The following C14orf132 variants were observed in gnomAD, a reference collection of about 807,000 sequenced individuals.
C14orf132 encodes the protein uncharacterized protein C14orf132.
C14orf132 carries 6 observed loss-of-function variants against 5.8 expected under a neutral mutation model. The ratio of observed to expected loss-of-function variants is 1.03; its 90% CI spans 0.57 to 2.04. C14orf132 has a LOEUF of 2.04. C14orf132 is among the 30% of genes most tolerant of loss of function. The probability of loss-of-function intolerance (pLI) is 0.00; values close to 1 mark genes in which losing one functional copy is unlikely to be tolerated. For synonymous variants in C14orf132, 51 were observed against 49.8 expected, an observed-to-expected ratio of 1.02 and a Z score of -0.10; for missense variants, 125 against 115.8, an observed-to-expected ratio of 1.08 and a Z score of -0.37.
rs541742670 is a variant in C14orf132 at position 96,049,562 on chromosome 14, G to GTA, written c.27+10042_27+10043dup. On this transcript the variant is annotated intron_variant, in intron 1 of 1. Coordinates refer to ENST00000555004, the MANE Select transcript of C14orf132 (RefSeq NM_001252507.3). The stretch of plus-strand genomic sequence containing the variant: ...CATACGTATATATATACATATATAC[G>GTA]TATATATACATATATACGTATATAT... Among the ~76,000 whole-genome samples the GTA allele has an allele frequency of 4.2e-4, 40 of 94,502 alleles. 1 individual carries two copies. The highest frequency in any genetic ancestry group is 1.3e-3 in the South Asian group (4 of 3,138). 62.0% of individuals were successfully genotyped at this position (94,502 alleles called of 152,430 possible).
At chr14:96,052,827 A>G (rs1378496896) in intron 1 of C14orf132, among the ~76,000 whole-genome samples, 1 of 152,086 alleles carries the variant, frequency 6.6e-6, no homozygotes, top group Non-Finnish European at 1.5e-5. Context: ...CTTCCTCTGA[A>G]CGATTCCATG....
At chr14:96,049,598 ACG>A (rs1491391080) in intron 1 of C14orf132, among the ~76,000 whole-genome samples, 1 of 128,720 alleles carries the variant, frequency 7.8e-6, no homozygotes, top group Admixed American at 8.1e-5. Flanking sequence ...ATACATATAT[ACG>A]TATATATATA....
chr14:96,055,364 T>C (rs1043568246), intron 1 of C14orf132, among the ~76,000 whole-genome samples: 1 of 152,196 alleles, frequency 6.6e-6, no homozygotes, highest in East Asian at 1.9e-4. Context: ...AGGAAACAGA[T>C]GTGCCCTCTG....
chr14:96,074,694 A>G (rs1267356550), intron 1 of C14orf132, among the ~76,000 whole-genome samples: 2 of 152,114 alleles, frequency 1.3e-5, no homozygotes, highest in African/African-American at 4.8e-5. Flanking sequence ...TCCTTTTTCC[A>G]TTGAATTGCC....
At chr14:96,064,495 A>G (rs1306416405) in intron 1 of C14orf132, among the ~76,000 whole-genome samples, 1 of 151,786 alleles carries the variant, frequency 6.6e-6, no homozygotes, top group African/African-American at 2.4e-5. Context: ...CTAGGCAGCC[A>G]TAAAAAGGAA....
chr14:96,080,818 C>T (rs980639288), intron 1 of C14orf132, among the ~76,000 whole-genome samples: 4 of 152,130 alleles, frequency 2.6e-5, no homozygotes, highest in Non-Finnish European at 5.9e-5. Context: ...TGCCCCGACA[C>T]TGCGGGGCAG....
At chr14:96,080,794 C>T (rs1010997196) in intron 1 of C14orf132, among the ~76,000 whole-genome samples, 1 of 152,126 alleles carries the variant, frequency 6.6e-6, no homozygotes, top group Admixed American at 6.5e-5. Context: ...ACTCAGCCAC[C>T]CCATGCTACA....
At chr14:96,070,594 TCTCACACA>T (rs886077159) in intron 1 of C14orf132, among the ~76,000 whole-genome samples, 3 of 121,020 alleles carry the variant, frequency 2.5e-5, no homozygotes, top group African/African-American at 5.9e-5. Context: ...TCTCTCTCTC[TCTCACACA>T]CACACACACA....
Position 96,058,157 on chromosome 14 carries a change from T to G in C14orf132, c.27+18630T>G, listed in dbSNP as rs1038926144. On this transcript the variant is annotated intron_variant, in intron 1 of 1. Coordinates refer to ENST00000555004, the MANE Select transcript of C14orf132 (RefSeq NM_001252507.3). ...GTGCTGTGTCTCATGGCTCACTTCCTCAGCTCAGGGTCTCCACTCTCCTCC... is the reference window on the plus strand; with the variant it reads ...GTGCTGTGTCTCATGGCTCACTTCCGCAGCTCAGGGTCTCCACTCTCCTCC... Among the ~76,000 whole-genome samples the G allele has an allele frequency of 3.3e-5, 5 of 152,092 alleles. 1 individual carries two copies. Among genetic ancestry groups the G allele is most frequent in the African/African-American group, 1.2e-4 (5 of 41,420 alleles).
chr14:96,083,093 C>T (rs530231856), intron 1 of C14orf132, among the ~76,000 whole-genome samples: 1 of 152,214 alleles, frequency 6.6e-6, no homozygotes, highest in Non-Finnish European at 1.5e-5. Flanking sequence ...AAGGGGACTC[C>T]CCATGAGGCC....
intron 1 of C14orf132, among the ~76,000 whole-genome samples, chr14:96,049,651 T>G (rs10129813): frequency 0.13 from 8,817 of 67,706 alleles, 1,774 homozygotes; most frequent in East Asian, 0.32. Flanking sequence ...TATATATATA[T>G]ATAGAGAGAG....
chr14:96,043,495 G>A (rs1044183679), intron 1 of C14orf132, among the ~76,000 whole-genome samples: 1 of 152,186 alleles, frequency 6.6e-6, no homozygotes, highest in African/African-American at 2.4e-5. Flanking sequence ...CGTCCCTGCA[G>A]TGAGTGGTTT....
At chr14:96,071,230 A>G (rs1308888066) in intron 1 of C14orf132, among the ~76,000 whole-genome samples, 1 of 152,146 alleles carries the variant, frequency 6.6e-6, no homozygotes, top group African/African-American at 2.4e-5. Flanking sequence ...AAGCTCCTTT[A>G]TAAAGCCATG....
At chr14:96,066,003 T>C (rs1887517331) in intron 1 of C14orf132, among the ~76,000 whole-genome samples, 1 of 152,166 alleles carries the variant, frequency 6.6e-6, no homozygotes, top group Non-Finnish European at 1.5e-5. Flanking sequence ...TGGCCTGAAC[T>C]TCCCATAGCT....
chr14:96,051,383 C>G (rs976572358), intron 1 of C14orf132, among the ~76,000 whole-genome samples: 1 of 152,134 alleles, frequency 6.6e-6, no homozygotes, highest in Non-Finnish European at 1.5e-5. Flanking sequence ...GCCTTGTTCC[C>G]CAGAAGGATG....
chr14:96,069,255 T>TTA (rs1887631356), intron 1 of C14orf132, among the ~76,000 whole-genome samples: 2 of 68,120 alleles, frequency 2.9e-5, no homozygotes, highest in Admixed American at 1.6e-4. Flanking sequence ...CTGTTTATGT[T>TTA]CATATATATA....
Position 96,088,303 on chromosome 14 carries a change from A to G in C14orf132, c.*1568A>G, listed in dbSNP as rs868299121. 1.2e-4 allele frequency: 19 copies of G among 152,340 alleles called. No individual in the cohort carries two copies. Among genetic ancestry groups the G allele is most frequent in the African/African-American group, 4.1e-4 (17 of 41,572 alleles). 9.4% of individuals were successfully genotyped at this position (152,340 alleles called of 1,614,324 possible). A position where few individuals can be genotyped will look rare whatever the true frequency, so the allele number is the denominator to read the frequency against. On this transcript the variant is annotated 3_prime_UTR_variant, in exon 2 of 2. Transcript: ENST00000555004. The stretch of plus-strand genomic sequence containing the variant: ...AATAGGATTACTAGCCTGGCTCCAG[A>G]CAGTGCCTGCTCATGGCTGCCAGTT...
chr14:96,074,301 T>C (rs1400326186), intron 1 of C14orf132, among the ~76,000 whole-genome samples: 1 of 152,166 alleles, frequency 6.6e-6, no homozygotes, highest in Non-Finnish European at 1.5e-5. Context: ...AATAGTTTCT[T>C]TCAGCCTGTG....
chr14:96,059,518 C>A (rs1887281984), intron 1 of C14orf132, among the ~76,000 whole-genome samples: 1 of 152,154 alleles, frequency 6.6e-6, no homozygotes, highest in African/African-American at 2.4e-5. Context: ...GAGCAAGTGG[C>A]AGAGGGGGAT....
Sources: allele counts gnomAD v4.1 joint callset (sites outside exome capture counted in the v4.1 genomes callset), GRCh38; gene constraint gnomAD v4.1.1; transcripts MANE v1.5; gene names NCBI Gene and HGNC (gene_info 2026-07-23, HGNC 2026-07-21).